FBN1: variants seen among roughly 807,000 people sequenced by gnomAD.
FBN1 encodes fibrillin-1.
A neutral mutation model predicts 365.1 loss-of-function variants in FBN1; 29 were observed. The ratio of observed to expected loss-of-function variants is 0.08; its 90% CI spans 0.06 to 0.11. The LOEUF (loss-of-function observed/expected upper bound fraction) is 0.11. Ranked by LOEUF, FBN1 falls within the 10% of genes least tolerant of loss-of-function variation. The pLI, the probability that FBN1 is intolerant of heterozygous loss-of-function variation, is 1.00. For synonymous variants in FBN1, 1,210 were observed against 1,270.5 expected, an observed-to-expected ratio of 0.95 and a Z score of 1.01; for missense variants, 2,476 against 3,703.2, an observed-to-expected ratio of 0.67 and a Z score of 8.60.
At chr15:48,500,501 G>A (rs1307780484) in intron 17 of FBN1, among the ~76,000 whole-genome samples, 2 of 152,124 alleles carry the variant, frequency 1.3e-5, no homozygotes, top group African/African-American at 4.8e-5. Context: ...CATTTCACCT[G>A]GTGGCTGTAC....
chr15:48,444,448 C>A, intron 49 of FBN1, 93 bp downstream of exon 49: 1 of 1,466,742 alleles, frequency 6.8e-7, no homozygotes, highest in South Asian at 1.1e-5. Flanking sequence ...ATAAAGTATT[C>A]CAAAATGAAG....
Position 48,420,780 on chromosome 15 carries a change from G to A in FBN1, c.7726C>T (p.Arg2576Cys), listed in dbSNP as rs147195031. The A allele has an allele frequency of 1.2e-6, 2 of 1,613,990 alleles. No homozygotes were observed. The highest frequency in any genetic ancestry group is 1.7e-6 in the Non-Finnish European group (2 of 1,179,968). Residue 2576 changes from arginine to cysteine, a missense_variant, in exon 63 of 66, where the codon CGC (arginine) becomes TGC (cysteine). By Grantham distance (180) the Arg-to-Cys change is radical (BLOSUM62 -3). Around this residue, in one of 5 missense-constraint regions of FBN1, gnomAD observed 1,780 missense variants for 2,840.8 expected, o/e 0.63. Transcript: ENST00000316623. ...EDVDECEGNH[R>C]CQHGCQNIIG... The stretch of plus-strand genomic sequence containing the variant: ...ATGTTCTGGCAGCCATGCTGGCAGC[G>A]GTGGTTACCCTCACACTCGTCCACG...
chr15:48,502,301 C>T (rs1243332254), intron 17 of FBN1, among the ~76,000 whole-genome samples: 1 of 152,208 alleles, frequency 6.6e-6, no homozygotes, highest in Non-Finnish European at 1.5e-5. Context: ...CTGCCTTGGC[C>T]TCCCATAGTG....
At chr15:48,500,659 G>A (rs2043646899) in intron 17 of FBN1, among the ~76,000 whole-genome samples, 1 of 152,210 alleles carries the variant, frequency 6.6e-6, no homozygotes. Context: ...TGGAGACAGT[G>A]ACATGAGGGA....
At chr15:48,501,763 T>C (rs1338498828) in intron 17 of FBN1, among the ~76,000 whole-genome samples, 1 of 152,236 alleles carries the variant, frequency 6.6e-6, no homozygotes, top group East Asian at 1.9e-4. Flanking sequence ...GCTTTCATGA[T>C]ACTTGTCTGT....
At chr15:48,616,304 T>C (rs927206984) in intron 2 of FBN1, among the ~76,000 whole-genome samples, 7 of 152,254 alleles carry the variant, frequency 4.6e-5, no homozygotes, top group African/African-American at 1.4e-4. Context: ...TTGTTTTAAT[T>C]GTGTTGCCAT....
Position 48,516,489 on chromosome 15 carries a change from A to C in FBN1, c.1148-127T>G, listed in dbSNP as rs2043804197. ...AATTGATCCTCAAAATTCACAGGTC[A>C]ACTGGAGAAAAGAAAAAGAACCAAC... On this transcript the variant is annotated intron_variant, in intron 10 of 65. Coordinates refer to ENST00000316623, the MANE Select transcript of FBN1 (RefSeq NM_000138.5). 3 of 975,222 alleles carry C rather than the reference A, an allele frequency of 3.1e-6. No homozygotes were observed. The East Asian group carries it at 7.9e-5, about 26-fold the overall frequency. 60.4% of individuals were successfully genotyped at this position (975,222 alleles called of 1,614,324 possible). A position where few individuals can be genotyped will look rare whatever the true frequency, so the allele number is the denominator to read the frequency against.
At chr15:48,541,513 G>A (rs2141362805) in intron 6 of FBN1, among the ~76,000 whole-genome samples, 1 of 152,322 alleles carries the variant, frequency 6.6e-6, no homozygotes, top group Admixed American at 6.5e-5. Context: ...GAAGGTAAAT[G>A]CTGTATTAAC....
chr15:48,419,610 T>C (rs2042925044), intron 63 of FBN1, among the ~76,000 whole-genome samples: 1 of 152,184 alleles, frequency 6.6e-6, no homozygotes, highest in African/African-American at 2.4e-5. Context: ...GTCACTTCAG[T>C]CAACCCTACA....
At chr15:48,443,942 T>A (rs1597531308) in intron 49 of FBN1, among the ~76,000 whole-genome samples, 1 of 152,068 alleles carries the variant, frequency 6.6e-6, no homozygotes, top group Non-Finnish European at 1.5e-5. Context: ...TGAGACAGGA[T>A]GATCACTTGA....
In FBN1 at chr15:48,516,354, T is replaced by G. The variant is rs1597581597; in HGVS notation, c.1156A>C (p.Asn386His). ...MCPIRATEDF[N>H]KLCSVPMVIP... The stretch of plus-strand genomic sequence containing the variant: ...ACCATAGGAACAGAGCACAGCTTGT[T>G]GAAATCCTCTAGAAAAACACAACAA... Residue 386 changes from asparagine to histidine, a missense_variant, in exon 11 of 66, where the codon AAC becomes CAC. Around this residue, in one of 5 missense-constraint regions of FBN1, gnomAD observed 421 missense variants for 520.1 expected, o/e 0.81. Transcript: ENST00000316623. 3 of 1,613,650 alleles carry G rather than the reference T, an allele frequency of 1.9e-6. No individual in the cohort carries two copies. The highest frequency in any genetic ancestry group is 2.5e-6 in the Non-Finnish European group (3 of 1,179,872).
chr15:48,510,752 TG>T (rs1167556313), intron 13 of FBN1, among the ~76,000 whole-genome samples: 2 of 152,192 alleles, frequency 1.3e-5, no homozygotes, highest in Non-Finnish European at 2.9e-5. Context: ...ATTGATTCTA[TG>T]AGGGTATTTT....
intron 22 of FBN1, 86 bp from the exon 23 acceptor site, chr15:48,494,340 C>T: frequency 1.0e-6 from 1 of 990,484 alleles, no homozygotes; most frequent in South Asian, 1.3e-5. Context: ...GTGTAAGAAA[C>T]ATGAAAGATG....
chr15:48,482,296 A>C (rs1013785954), intron 31 of FBN1, among the ~76,000 whole-genome samples: 6 of 152,234 alleles, frequency 3.9e-5, no homozygotes, highest in Non-Finnish European at 8.8e-5. Context: ...TTCAGAAGAT[A>C]AATGTGATAA....
rs775230200 is a variant in FBN1 at position 48,510,032 on chromosome 15, T to C, written c.1714+12A>G. The C allele has an allele frequency of 6.2e-7, 1 of 1,612,860 alleles. No individual in the cohort carries two copies. Among genetic ancestry groups the C allele is most frequent in the Non-Finnish European group, 8.5e-7 (1 of 1,179,114 alleles). On this transcript the variant is annotated intron_variant, in intron 14 of 65. Transcript: ENST00000316623. ...TGGAAGGAGAGGACTAACATTAGTA[T>C]ACTATTATTACCTTCACAGTTCTTC...
chr15:48,494,366 T>A, intron 22 of FBN1, 112 bp from the exon 23 acceptor site: 1 of 804,914 alleles, frequency 1.2e-6, no homozygotes, highest in Non-Finnish European at 2.2e-6. Flanking sequence ...GAACATGAAG[T>A]AGATTGTGTT....
chr15:48,508,508 G>C, intron 15 of FBN1, 74 bp downstream of exon 15: 1 of 1,596,144 alleles, frequency 6.3e-7, no homozygotes, highest in Non-Finnish European at 8.6e-7. Flanking sequence ...AGTAAAGAAA[G>C]GTAGTACCTC....
intron 6 of FBN1, among the ~76,000 whole-genome samples, chr15:48,548,008 A>T (rs1350518563): frequency 1.3e-5 from 2 of 152,248 alleles, no homozygotes; most frequent in East Asian, 3.8e-4. Flanking sequence ...GAGAGGCAGC[A>T]GCACCAAAAC....
chr15:48,644,015 G>A (rs1009950876), intron 2 of FBN1: 1 of 153,352 alleles, frequency 6.5e-6, no homozygotes, highest in African/African-American at 2.4e-5. Context: ...GTGAAACGGA[G>A]AGCCCCACAC....
Sources: allele counts gnomAD v4.1 joint callset (sites outside exome capture counted in the v4.1 genomes callset), GRCh38; gene constraint gnomAD v4.1.1; regional missense constraint gnomAD v4.1.1; transcripts MANE v1.5; gene names NCBI Gene and HGNC (gene_info 2026-07-23, HGNC 2026-07-21).